COL5A1: variants seen among roughly 807,000 people sequenced by gnomAD.
COL5A1 encodes collagen alpha-1(V) chain.
A neutral mutation model predicts 263.7 loss-of-function variants in COL5A1; 16 were observed. That is an observed-to-expected ratio of 0.06 (90% CI 0.04 to 0.09). COL5A1 has a LOEUF of 0.09. Among genes scored for constraint, COL5A1 ranks in the 10% least tolerant of loss-of-function variants. The pLI, the probability that COL5A1 is intolerant of heterozygous loss-of-function variation, is 1.00. For synonymous variants in COL5A1, 1,012 were observed against 1,004.5 expected, an observed-to-expected ratio of 1.01 and a Z score of -0.14; for missense variants, 2,036 against 2,540.5, an observed-to-expected ratio of 0.80 and a Z score of 4.27.
In COL5A1 at chr9:134,754,187, G is replaced by A. The variant is rs1360550683; in HGVS notation, c.1774-86G>A. 6 of 1,437,854 alleles carry A rather than the reference G, an allele frequency of 4.2e-6. No individual in the cohort carries two copies. In the East Asian group the frequency reaches 1.4e-4, roughly 33 times the overall value. 89.1% of individuals were successfully genotyped at this position (1,437,854 alleles called of 1,614,324 possible). A position where few individuals can be genotyped will look rare whatever the true frequency, so the allele number is the denominator to read the frequency against. ...GGCTTGGACAGCCAGGCATGGGCAG[G>A]GTCGATGAGCACAGGGACAAGGCTT... On this transcript the variant is annotated intron_variant, in intron 15 of 65. Coordinates refer to ENST00000371817, the MANE Select transcript of COL5A1 (RefSeq NM_000093.5). This position sits in a 1 kb window ranked among gnomAD's most constrained non-coding sequence, Gnocchi z 4.3.
intron 64 of COL5A1, among the ~76,000 whole-genome samples, chr9:134,834,096 C>G (rs961688600): frequency 6.6e-6 from 1 of 152,072 alleles, no homozygotes; most frequent in African/African-American, 2.4e-5. Context: ...ACCTGCTGTC[C>G]AGGGCTCAGG....
rs1298702045 is a variant in COL5A1 at position 134,814,915 on chromosome 9, C to T, written c.4014+11C>T. ...CCCAAAGGCAGCCCTGTGAGTATTC[C>T]AGACACACCTCAGGGGCCCTGCAGC... is the stretch of plus-strand genomic sequence containing the variant. On this transcript the variant is annotated intron_variant, in intron 50 of 65. Coordinates refer to ENST00000371817, the MANE Select transcript of COL5A1 (RefSeq NM_000093.5). 3 of 1,540,454 alleles carry T rather than the reference C, an allele frequency of 1.9e-6. No individual in the cohort carries two copies. The highest frequency in any genetic ancestry group is 2.4e-5 in the South Asian group (2 of 83,822).
intron 64 of COL5A1, 57 bp downstream of exon 64, chr9:134,830,101 C>G (rs746648109): frequency 6.2e-7 from 1 of 1,613,312 alleles, no homozygotes. Flanking sequence ...CATCTCGTAT[C>G]TTACAGAGTA....
chr9:134,803,797 C>T (rs35320446), intron 39 of COL5A1, among the ~76,000 whole-genome samples: 6,346 of 151,838 alleles, frequency 0.042, 166 homozygotes, highest in Non-Finnish European at 0.063. Flanking sequence ...GAGCCGAGAT[C>T]GCGCCACTGC....
At chr9:134,731,904 G>A (rs1241006736) in intron 8 of COL5A1, among the ~76,000 whole-genome samples, 167 bp from the exon 9 acceptor site, 3 of 152,214 alleles carry the variant, frequency 2.0e-5, no homozygotes, top group Non-Finnish European at 4.4e-5. Context: ...ATGGGCTCCC[G>A]TGGGCCTGGC....
At chr9:134,727,044 AACGG>A (rs2132631960) in intron 4 of COL5A1, among the ~76,000 whole-genome samples, 1 of 83,100 alleles carries the variant, frequency 1.2e-5, no homozygotes, top group African/African-American at 3.5e-5. Flanking sequence ...TGGATGAGTG[AACGG>A]ATGGATGGAT....
chr9:134,823,957 C>T (rs1271895739), intron 61 of COL5A1, among the ~76,000 whole-genome samples: 3 of 151,844 alleles, frequency 2.0e-5, no homozygotes, highest in Non-Finnish European at 4.4e-5. Context: ...TACGTGCATG[C>T]ATGGCCGTGT....
intron 32 of COL5A1, among the ~76,000 whole-genome samples, chr9:134,793,169 T>C (rs1837779552): frequency 6.6e-6 from 1 of 151,770 alleles, no homozygotes; most frequent in East Asian, 2.0e-4. Flanking sequence ...CAGGAGCCCC[T>C]TCCCGGGAAG....
chr9:134,729,160 G>A (rs1834769820), intron 6 of COL5A1, among the ~76,000 whole-genome samples: 2 of 152,208 alleles, frequency 1.3e-5, no homozygotes, highest in Admixed American at 6.5e-5. Flanking sequence ...AGCTGTGGTG[G>A]GAGAGGAGAG....
intron 63 of COL5A1, among the ~76,000 whole-genome samples, chr9:134,827,158 C>A (rs1839318107): frequency 6.6e-6 from 1 of 152,236 alleles, no homozygotes; most frequent in African/African-American, 2.4e-5. Flanking sequence ...GCAGCCTCTG[C>A]TTCCTAACAA....
chr9:134,767,765 C>G (rs938002598), intron 24 of COL5A1, among the ~76,000 whole-genome samples: 4 of 152,202 alleles, frequency 2.6e-5, no homozygotes, highest in Non-Finnish European at 5.9e-5. Flanking sequence ...GTGTCCTAGG[C>G]CCTGGAACGA....
intron 1 of COL5A1, among the ~76,000 whole-genome samples, chr9:134,685,514 C>T (rs1295894716): frequency 7.6e-6 from 1 of 131,310 alleles, no homozygotes; most frequent in African/African-American, 2.9e-5. Context: ...CCATCACCAT[C>T]CATCCATCCA....
At chr9:134,654,670 C>T (rs556035183) in intron 1 of COL5A1, among the ~76,000 whole-genome samples, 1 of 107,002 alleles carries the variant, frequency 9.3e-6, no homozygotes, top group East Asian at 3.1e-4. Flanking sequence ...GTGTGTAGGG[C>T]TGTAGGTGTG....
chr9:134,642,310 G>A lies in COL5A1; in HGVS notation c.109+14G>A, dbSNP rs1831318716. 1 of 856,252 alleles carries A rather than the reference G, an allele frequency of 1.2e-6. No homozygotes were observed. The highest frequency in any genetic ancestry group is 1.8e-5 in the African/African-American group (1 of 55,736). 53.0% of individuals were successfully genotyped at this position (856,252 alleles called of 1,614,324 possible). The stretch of plus-strand genomic sequence containing the variant: ...CGAGCCGCGCAGGTAAGGGCGCCCC[G>A]GGGCGCGGGGCTGCGGGATGGGGCG... On this transcript the variant is annotated intron_variant, in intron 1 of 65. Coordinates refer to ENST00000371817, the MANE Select transcript of COL5A1 (RefSeq NM_000093.5). This position sits in a 1 kb window ranked among gnomAD's most constrained non-coding sequence, Gnocchi z 4.5.
chr9:134,817,251 G>A (rs1838792233), intron 53 of COL5A1, among the ~76,000 whole-genome samples, 172 bp downstream of exon 53: 1 of 152,246 alleles, frequency 6.6e-6, no homozygotes, highest in Non-Finnish European at 1.5e-5. Flanking sequence ...CTAATCACAG[G>A]CTTGCCAGGT....
rs1057524402 is a variant in COL5A1 at position 134,817,016 on chromosome 9, C to T, written c.4123-10C>T. The T allele has an allele frequency of 3.1e-6, 5 of 1,613,742 alleles. No homozygotes were observed. Among genetic ancestry groups the T allele is most frequent in the Non-Finnish European group, 4.2e-6 (5 of 1,179,636 alleles). ...AATTCCTCACACTCTGTTCTTTCTC[C>T]CAATACCAGGGATCCCCCGGCCCTA... On this transcript the variant is annotated splice_polypyrimidine_tract_variant and intron_variant, in intron 52 of 65. Transcript: ENST00000371817.
intron 63 of COL5A1, among the ~76,000 whole-genome samples, chr9:134,826,416 CTG>C (rs1173324754): frequency 4.6e-5 from 7 of 152,212 alleles, no homozygotes; most frequent in African/African-American, 1.2e-4. Flanking sequence ...GAGCTGGGCT[CTG>C]TTGAGATTTT....
In COL5A1 at chr9:134,729,304, C is replaced by T. The variant is rs1022605379; in HGVS notation, c.924+497C>T. Among the ~76,000 whole-genome samples the T allele has an allele frequency of 9.9e-5, 15 of 152,146 alleles. 1 individual carries two copies. Among genetic ancestry groups the T allele is most frequent in the Middle Eastern group, 3.4e-3 (1 of 294 alleles). On this transcript the variant is annotated intron_variant, in intron 6 of 65. Coordinates refer to ENST00000371817, the MANE Select transcript of COL5A1 (RefSeq NM_000093.5). The stretch of plus-strand genomic sequence containing the variant: ...AGGGTGCGTGAGCGGCAGTGAGAGC[C>T]GGAGGGTCACACCTAGCAGGGCCCG...
In COL5A1 at chr9:134,842,513, C is replaced by T. The variant is rs1830137764; in HGVS notation, c.*210C>T. On this transcript the variant is annotated 3_prime_UTR_variant, in exon 66 of 66. Transcript: ENST00000371817. The surrounding 1 kb of genome is among the most constrained non-coding windows in gnomAD (Gnocchi z 5.8). Reference sequence around the variant, plus strand: ...GCCGCGCCCCCACCTGGAGCTGAATCACATGACCTAGCTGCACCCCAGCGC... The same window carrying T: ...GCCGCGCCCCCACCTGGAGCTGAATTACATGACCTAGCTGCACCCCAGCGC... 1.6e-6 allele frequency: 1 copy of T among 639,814 alleles called. No individual in the cohort carries two copies. The highest frequency in any genetic ancestry group is 2.5e-5 in the Admixed American group (1 of 39,272). 39.6% of individuals were successfully genotyped at this position (639,814 alleles called of 1,614,324 possible).
Sources: gnomAD v4.1 joint callset for allele counts (sites outside exome capture counted in the v4.1 genomes callset) on GRCh38, gnomAD v4.1.1 for gene constraint, Gnocchi (gnomAD v3.1) non-coding constraint, MANE v1.5 for transcripts, NCBI Gene and HGNC (gene_info 2026-07-23, HGNC 2026-07-21) for gene names.